Variants in PCDHA4 observed in about 807,000 individuals in gnomAD.
The protein encoded by PCDHA4 is protocadherin alpha-4.
Under a neutral mutation model 61.4 loss-of-function variants are expected in PCDHA4, and 49 were observed. That is an observed-to-expected ratio of 0.80 (90% CI 0.63 to 1.01). The LOEUF (loss-of-function observed/expected upper bound fraction) is 1.01. Among genes scored for constraint, PCDHA4 ranks in the 50% least tolerant of loss-of-function variants. The pLI is 0.00. For synonymous variants in PCDHA4, 590 were observed against 550.3 expected (o/e 1.07, Z -1.01); for missense variants, 1,254 against 1,235.8 (o/e 1.01, Z -0.22).
At chr5:140,928,874 C>T (rs782794510) in intron 1 of PCDHA4, 1 of 1,614,194 alleles carries the variant, frequency 6.2e-7, no homozygotes, top group Admixed American at 1.7e-5. Context: ...AACTCTGTCC[C>T]TCAGTTACTT....
intron 1 of PCDHA4, among the ~76,000 whole-genome samples, chr5:140,898,705 A>C (rs1351081569): frequency 1.3e-5 from 2 of 152,142 alleles, no homozygotes; most frequent in Admixed American, 1.3e-4. Flanking sequence ...ACTTTAAAGT[A>C]GTTTTTTCCA....
At chr5:140,813,872 A>G (rs1362049525) in intron 1 of PCDHA4, 3 of 152,298 alleles carry the variant, frequency 2.0e-5, no homozygotes, top group African/African-American at 7.2e-5. Context: ...GGTGACACAC[A>G]CTTGTAGTTC....
chr5:140,965,260 G>A (rs1188138728), intron 1 of PCDHA4, among the ~76,000 whole-genome samples: 1 of 152,202 alleles, frequency 6.6e-6, no homozygotes, highest in Non-Finnish European at 1.5e-5. Context: ...GAACTGAGCA[G>A]CAGAGGCAAT....
intron 1 of PCDHA4, among the ~76,000 whole-genome samples, chr5:140,894,750 TTGTG>T (rs2064648260): frequency 6.6e-6 from 1 of 152,080 alleles, no homozygotes; most frequent in Admixed American, 6.5e-5. Context: ...ATTTTTTTTC[TTGTG>T]TGTATTTATT....
rs35184029 is a variant in PCDHA4 at position 140,997,668 on chromosome 5, T to TTGTG, written c.2534-11933_2534-11930dup. 2.7e-3 allele frequency among the ~76,000 whole-genome samples: 396 copies of TTGTG among 148,340 alleles called. 1 individual carries two copies. Among genetic ancestry groups the TTGTG allele is most frequent in the African/African-American group, 5.1e-3 (207 of 40,232 alleles). On this transcript the variant is annotated intron_variant, in intron 3 of 3. Transcript: ENST00000530339. ...AATGCAATATGTATTATTATACAGC[T>TTGTG]TGTGTGTGTGTGTGTGTGTGTGTGT...
At chr5:140,855,892 G>T (rs1227119052) in intron 1 of PCDHA4, 2 of 1,011,396 alleles carry the variant, frequency 2.0e-6, no homozygotes, top group Non-Finnish European at 1.4e-6. Flanking sequence ...TAGAACAAAG[G>T]CATCAGCCAG....
intron 3 of PCDHA4, among the ~76,000 whole-genome samples, chr5:140,999,639 T>C (rs1554256919): frequency 6.6e-6 from 1 of 152,144 alleles, no homozygotes; most frequent in African/African-American, 2.4e-5. Context: ...TAGAGAAAAC[T>C]GTGCAGCCTG....
At chr5:140,941,194 TCTTTCTTCC>T (rs781813612) in intron 1 of PCDHA4, among the ~76,000 whole-genome samples, 93 of 112,424 alleles carry the variant, frequency 8.3e-4, no homozygotes, top group South Asian at 2.2e-3. Flanking sequence ...TCTTTTTTTT[TCTTTCTTCC>T]TTTCTTTCTT....
chr5:140,967,114 C>T (rs782407413), intron 1 of PCDHA4: 17 of 1,612,932 alleles, frequency 1.1e-5, no homozygotes, highest in Non-Finnish European at 1.4e-5. Flanking sequence ...AGCGGCCTCG[C>T]TGCCTGCTCA....
intron 1 of PCDHA4, among the ~76,000 whole-genome samples, chr5:140,971,325 T>C (rs1273585971): frequency 3.9e-5 from 6 of 152,190 alleles, no homozygotes; most frequent in African/African-American, 1.4e-4. Context: ...AGGGAGAAAA[T>C]TATTTCAGAA....
chr5:140,836,708 C>T (rs1774690824), intron 1 of PCDHA4: 1 of 1,613,072 alleles, frequency 6.2e-7, no homozygotes, highest in Non-Finnish European at 8.5e-7. Flanking sequence ...TCAGTCCCAG[C>T]CTTCCTCAGG....
chr5:140,849,958 C>A (rs2041255697), intron 1 of PCDHA4: 1 of 1,597,774 alleles, frequency 6.3e-7, no homozygotes, highest in East Asian at 2.2e-5. Flanking sequence ...CAGGAGAACG[C>A]CCTGGTGTCC....
chr5:140,878,784 C>T (rs2057723762), intron 1 of PCDHA4, among the ~76,000 whole-genome samples: 1 of 152,156 alleles, frequency 6.6e-6, no homozygotes, highest in Non-Finnish European at 1.5e-5. Flanking sequence ...AGTATATGTT[C>T]AATCACTTTT....
intron 1 of PCDHA4, chr5:140,877,979 A>G (rs2057420487): frequency 4.9e-6 from 6 of 1,227,544 alleles, no homozygotes; most frequent in Non-Finnish European, 5.4e-6. Flanking sequence ...ATTCTTACTC[A>G]TTTTGAACTT....
intron 1 of PCDHA4, chr5:140,836,747 T>A: frequency 1.9e-6 from 3 of 1,587,224 alleles, no homozygotes; most frequent in Non-Finnish European, 2.6e-6. Flanking sequence ...ATGTGAGTCA[T>A]AAATAATCTT....
chr5:140,821,709 G>A, intron 1 of PCDHA4: 1 of 1,452,026 alleles, frequency 6.9e-7, no homozygotes, highest in African/African-American at 1.4e-5. Context: ...AGTTAATTGG[G>A]AATTGAATTT....
chr5:140,945,605 C>G (rs564297850), intron 1 of PCDHA4, among the ~76,000 whole-genome samples: 1 of 152,166 alleles, frequency 6.6e-6, no homozygotes, highest in East Asian at 1.9e-4. Context: ...CTATAATAAT[C>G]AAAACAGCAT....
intron 1 of PCDHA4, among the ~76,000 whole-genome samples, chr5:140,923,179 G>T (rs982663028): frequency 3.3e-5 from 5 of 152,130 alleles, no homozygotes; most frequent in Admixed American, 1.3e-4. Flanking sequence ...TTGTTCAGAT[G>T]CATCTACTGC....
At chr5:140,881,944 A>C in intron 1 of PCDHA4, 1 of 302,118 alleles carries the variant, frequency 3.3e-6, no homozygotes, top group East Asian at 5.9e-5. Flanking sequence ...GTTTCTGGGA[A>C]GGTAAACATT....
Sources: allele counts gnomAD v4.1 joint callset (sites outside exome capture counted in the v4.1 genomes callset), GRCh38; gene constraint gnomAD v4.1.1; transcripts MANE v1.5; gene names NCBI Gene and HGNC (gene_info 2026-07-23, HGNC 2026-07-21).